The following MYO5A variants were observed in gnomAD, a reference collection of about 807,000 sequenced individuals.
MYO5A encodes unconventional myosin-Va.
MYO5A carries 98 observed loss-of-function variants against 249.7 expected under a neutral mutation model. The ratio of observed to expected loss-of-function variants is 0.39; its 90% confidence interval spans 0.33 to 0.46. The LOEUF (loss-of-function observed/expected upper bound fraction) is 0.46. Among genes scored for constraint, MYO5A ranks in the 20% least tolerant of loss-of-function variants. The pLI, the probability that MYO5A is intolerant of heterozygous loss-of-function variation, is 0.98. For missense variants in MYO5A, 1,696 were observed against 2,308.8 expected, an observed-to-expected ratio of 0.73 and a Z score of 5.44; for synonymous variants, 778 against 810.6, an observed-to-expected ratio of 0.96 and a Z score of 0.68.
chr15:52,411,209 G>A (rs2141238148), intron 5 of MYO5A, among the ~76,000 whole-genome samples: 1 of 152,276 alleles, frequency 6.6e-6, no homozygotes. Flanking sequence ...TAAGACCAAT[G>A]AATATTTCCT....
intron 11 of MYO5A, 90 bp from the exon 12 acceptor site, chr15:52,392,160 T>G (rs56164124): frequency 5.1e-4 from 685 of 1,337,682 alleles, no homozygotes; most frequent in South Asian, 7.9e-4. Flanking sequence ...TGAGATAATC[T>G]GTGGCTTTCA....
chr15:52,468,093 T>C (rs1012805945), intron 1 of MYO5A, among the ~76,000 whole-genome samples: 1 of 152,222 alleles, frequency 6.6e-6, no homozygotes, highest in East Asian at 1.9e-4. Context: ...CTCATGTCTG[T>C]AATCCCAGCA....
intron 1 of MYO5A, among the ~76,000 whole-genome samples, chr15:52,441,273 T>C (rs1278991657): frequency 6.6e-6 from 1 of 152,184 alleles, no homozygotes; most frequent in Non-Finnish European, 1.5e-5. Context: ...GTGTATTTTG[T>C]ATTTTTTAAA....
intron 21 of MYO5A, among the ~76,000 whole-genome samples, chr15:52,371,802 T>C (rs1439027081): frequency 1.3e-5 from 2 of 151,732 alleles, no homozygotes; most frequent in African/African-American, 4.8e-5. Context: ...CCCAGCAGGT[T>C]GAGGCTGCAG....
chr15:52,482,394 G>A (rs1205145651), intron 1 of MYO5A, among the ~76,000 whole-genome samples: 1 of 152,180 alleles, frequency 6.6e-6, no homozygotes, highest in African/African-American at 2.4e-5. Flanking sequence ...GAAGAGGGAA[G>A]AGGATAGCCA....
At chr15:52,320,351 G>A (rs1197553056) in intron 38 of MYO5A, among the ~76,000 whole-genome samples, 1 of 152,192 alleles carries the variant, frequency 6.6e-6, no homozygotes, top group South Asian at 2.1e-4. Flanking sequence ...CATGTTTGTT[G>A]TTGCTGTTAA....
intron 1 of MYO5A, among the ~76,000 whole-genome samples, chr15:52,437,623 G>A (rs914779042): frequency 1.1e-4 from 17 of 149,948 alleles, no homozygotes; most frequent in African/African-American, 4.2e-4. Context: ...AAAAGAGAGA[G>A]AGATATTCAG....
chr15:52,392,428 A>G (rs2042280631), intron 11 of MYO5A, among the ~76,000 whole-genome samples: 1 of 152,232 alleles, frequency 6.6e-6, no homozygotes, highest in Non-Finnish European at 1.5e-5. Flanking sequence ...CTTAGCTGGC[A>G]TTTAACAACT....
At chr15:52,358,363 T>C (rs985453517) in intron 25 of MYO5A, among the ~76,000 whole-genome samples, 1 of 152,210 alleles carries the variant, frequency 6.6e-6, no homozygotes, top group African/African-American at 2.4e-5. Flanking sequence ...TCCTAAAACC[T>C]TCCTATCTAC....
intron 24 of MYO5A, among the ~76,000 whole-genome samples, chr15:52,360,872 A>C (rs987443706): frequency 6.6e-6 from 1 of 152,184 alleles, no homozygotes; most frequent in Admixed American, 6.5e-5. Flanking sequence ...CCCCAGCAGG[A>C]GAGGTGGAAA....
At chr15:52,374,094 T>C (rs1306441949) in intron 20 of MYO5A, among the ~76,000 whole-genome samples, 2 of 152,190 alleles carry the variant, frequency 1.3e-5, no homozygotes, top group African/African-American at 4.8e-5. Context: ...CAGGCTTGTA[T>C]TTCTCACTGA....
intron 4 of MYO5A, among the ~76,000 whole-genome samples, chr15:52,423,062 G>A (rs973005465): frequency 1.3e-5 from 2 of 152,096 alleles, no homozygotes; most frequent in African/African-American, 4.8e-5. Context: ...TCGTGGGGTA[G>A]GAATTCCTGT....
chr15:52,437,022 A>G (rs374026296), intron 1 of MYO5A, among the ~76,000 whole-genome samples: 1 of 152,230 alleles, frequency 6.6e-6, no homozygotes, highest in African/African-American at 2.4e-5. Context: ...AAACCAATAT[A>G]TAAGTACAAG....
chr15:52,357,123 A>G (rs1596336689), intron 25 of MYO5A, among the ~76,000 whole-genome samples: 1 of 152,136 alleles, frequency 6.6e-6, no homozygotes, highest in East Asian at 1.9e-4. Context: ...ACAGAATTTC[A>G]TTCATATAAA....
chr15:52,522,011 C>G (rs77472731), intron 1 of MYO5A, among the ~76,000 whole-genome samples: 44 of 152,320 alleles, frequency 2.9e-4, no homozygotes, highest in Non-Finnish European at 5.1e-4. Context: ...ATATCCACTT[C>G]CGCCTCCCAC....
intron 22 of MYO5A, among the ~76,000 whole-genome samples, chr15:52,368,779 A>G (rs2040944983): frequency 6.6e-6 from 1 of 152,192 alleles, no homozygotes; most frequent in Non-Finnish European, 1.5e-5. Context: ...GAGAAGTGGG[A>G]GAAAATGAAA....
intron 27 of MYO5A, among the ~76,000 whole-genome samples, chr15:52,351,849 G>A (rs893415614): frequency 2.0e-5 from 3 of 152,190 alleles, no homozygotes; most frequent in African/African-American, 4.8e-5. Context: ...AAATCTGAGG[G>A]TCCAGCTGGC....
chr15:52,450,294 G>C (rs1463350614), intron 1 of MYO5A, among the ~76,000 whole-genome samples: 1 of 151,938 alleles, frequency 6.6e-6, no homozygotes, highest in African/African-American at 2.4e-5. Context: ...TATATGTGAA[G>C]TACTCAGAAC....
rs1020848955 is a variant in MYO5A, at chr15:52,330,455, G to T, written c.4453C>A (p.Pro1485Thr). Residue 1485 changes from proline to threonine, a missense_variant, in exon 35 of 42, where the codon CCC (proline) becomes ACC (threonine). By Grantham distance (38) the Pro-to-Thr change is conservative. Transcript: ENST00000399233. ...NISPGQIIDE[P>T]IRPVNIPRKE... ...CTGGGAATGTTGACTGGTCGGATGGGTTCATCAATGATCTGTCCTGGGGAT... is the reference window on the plus strand; with the variant it reads ...CTGGGAATGTTGACTGGTCGGATGGTTTCATCAATGATCTGTCCTGGGGAT... The T allele has an allele frequency of 4.3e-6, 7 of 1,613,926 alleles. No homozygotes were observed. In the African/African-American group the frequency reaches 8.0e-5, roughly 18 times the overall value.
Sources: gnomAD v4.1 joint callset for allele counts (sites outside exome capture counted in the v4.1 genomes callset) on GRCh38, gnomAD v4.1.1 for gene constraint, MANE v1.5 for transcripts, NCBI Gene and HGNC (gene_info 2026-07-23, HGNC 2026-07-21) for gene names.